Variants in PLCL2 observed in about 807,000 individuals in gnomAD.
PLCL2 encodes inactive phospholipase C-like protein 2.
PLCL2 carries 4 observed loss-of-function variants against 79.6 expected under a neutral mutation model. That is an observed-to-expected ratio of 0.05 (90% CI 0.02 to 0.11). The LOEUF (loss-of-function observed/expected upper bound fraction) is 0.11. Among genes scored for constraint, PLCL2 ranks in the 10% least tolerant of loss-of-function variants. PLCL2 has a pLI of 1.00. For missense variants in PLCL2, 895 were observed against 1,291.0 expected, an observed-to-expected ratio of 0.69 and a Z score of 4.70; for synonymous variants, 484 against 457.7, an observed-to-expected ratio of 1.06 and a Z score of -0.73.
At chr3:16,891,012 C>G in intron 1 of PLCL2, among the ~76,000 whole-genome samples, 1 of 152,250 alleles carries the variant, frequency 6.6e-6, no homozygotes, top group East Asian at 1.9e-4. Context: ...CCTCTTACCA[C>G]TAGCACTTGG....
In PLCL2 at chr3:16,887,919, T is replaced by C. The variant is rs1696261091; in HGVS notation, c.327+2553T>C. On this transcript the variant is annotated intron_variant, in intron 1 of 5. Transcript: ENST00000615277. This position sits in a 1 kb window ranked among gnomAD's most constrained non-coding sequence, Gnocchi z 4.1. The stretch of plus-strand genomic sequence containing the variant: ...TGAATGCAGTCAGGTGGTCTCTGAG[T>C]AGAGGCAGGAGTAGATTAGTAAGCA... Among the ~76,000 whole-genome samples the C allele has an allele frequency of 1.3e-5, 2 of 152,144 alleles. No individual in the cohort carries two copies. Among genetic ancestry groups the C allele is most frequent in the African/African-American group, 4.8e-5 (2 of 41,418 alleles).
At position 16,917,241 on chromosome 3, in the gene PLCL2, C is replaced by T. The variant is rs558379785; in HGVS notation, c.327+31875C>T. 3.9e-5 allele frequency among the ~76,000 whole-genome samples: 6 copies of T among 152,254 alleles called. No homozygotes were observed. In the South Asian group the frequency reaches 1.2e-3, roughly 32 times the overall value. On this transcript the variant is annotated intron_variant, in intron 1 of 5. Transcript: ENST00000615277. ...TTAGCTTTCTGGGCTATCTGGTTAC[C>T]TAACCAATAAATTAGAATAATTAGT...
intron 5 of PLCL2, among the ~76,000 whole-genome samples, chr3:17,079,436 A>G (rs1230446323): frequency 2.0e-5 from 3 of 152,216 alleles, no homozygotes; most frequent in South Asian, 2.1e-4. Context: ...AGCCCTTCCC[A>G]TGGCCAGGTC....
chr3:16,972,909 A>C (rs1179553383), intron 1 of PLCL2, among the ~76,000 whole-genome samples: 1 of 152,268 alleles, frequency 6.6e-6, no homozygotes, highest in Admixed American at 6.5e-5. Flanking sequence ...TAAAGACAGC[A>C]TACAGTTGGT....
At chr3:16,998,722 T>C (rs1167525883) in intron 1 of PLCL2, among the ~76,000 whole-genome samples, 2 of 152,214 alleles carry the variant, frequency 1.3e-5, no homozygotes, top group African/African-American at 4.8e-5. Flanking sequence ...GTAGTGAAAA[T>C]GCTTTGCCAA....
At chr3:16,913,268 T>C (rs1696922941) in intron 1 of PLCL2, among the ~76,000 whole-genome samples, 1 of 151,916 alleles carries the variant, frequency 6.6e-6, no homozygotes, top group East Asian at 1.9e-4. Flanking sequence ...CCAGAATTAC[T>C]CTCCCTCTCC....
At chr3:17,002,950 A>G (rs957323337) in intron 1 of PLCL2, among the ~76,000 whole-genome samples, 17 of 151,726 alleles carry the variant, frequency 1.1e-4, no homozygotes, top group Non-Finnish European at 2.4e-4. Context: ...CCTTTGGACC[A>G]TATTTTATAA....
intron 5 of PLCL2, among the ~76,000 whole-genome samples, chr3:17,075,940 T>C (rs1344419058): frequency 6.6e-6 from 1 of 152,260 alleles, no homozygotes; most frequent in Admixed American, 6.5e-5. Flanking sequence ...ACATTTGTGT[T>C]GTTTCCAATT....
intron 1 of PLCL2, among the ~76,000 whole-genome samples, chr3:16,982,651 C>T (rs181214037): frequency 1.3e-5 from 2 of 152,282 alleles, no homozygotes; most frequent in East Asian, 3.9e-4. Context: ...TTTCCTCTTC[C>T]TTAAGAGCCC....
At chr3:16,958,430 G>A (rs1367498767) in intron 1 of PLCL2, among the ~76,000 whole-genome samples, 9 of 152,066 alleles carry the variant, frequency 5.9e-5, no homozygotes, top group Admixed American at 5.9e-4. Context: ...GTAAATGTGG[G>A]TGGGTACAGC....
intron 5 of PLCL2, among the ~76,000 whole-genome samples, chr3:17,068,760 T>G (rs1380136440): frequency 6.6e-6 from 1 of 152,228 alleles, no homozygotes; most frequent in African/African-American, 2.4e-5. Context: ...TCTCTCAGGC[T>G]GATTTTCTAT....
intron 1 of PLCL2, among the ~76,000 whole-genome samples, chr3:16,959,505 A>G (rs1575553970): frequency 6.6e-6 from 1 of 151,900 alleles, no homozygotes; most frequent in African/African-American, 2.4e-5. Flanking sequence ...TCCACCTTTC[A>G]TAGTCTTCCT....
At chr3:17,073,429 C>G (rs2065079887) in intron 5 of PLCL2, among the ~76,000 whole-genome samples, 1 of 152,088 alleles carries the variant, frequency 6.6e-6, no homozygotes, top group Non-Finnish European at 1.5e-5. Flanking sequence ...AGTTGTAATC[C>G]TTTTGCTGGT....
In PLCL2 at chr3:17,068,037, G is replaced by A. The variant is rs1470677566; in HGVS notation, c.3176G>A (p.Ser1059Asn). 3.1e-6 allele frequency: 5 copies of A among 1,605,840 alleles called. No individual in the cohort carries two copies. The African/African-American group carries it at 6.7e-5, about 21-fold the overall frequency. The change falls in exon 5 of 6, where the codon AGC becomes AAC. Residue 1059 changes from serine to asparagine, a missense_variant. By Grantham distance (46) the Ser-to-Asn change is conservative. Around this residue, in one of 6 missense-constraint regions of PLCL2, gnomAD observed 298 missense variants for 459.6 expected, o/e 0.65. Transcript: ENST00000615277. The part of the protein sequence containing the change: ...KERKLQKAVE[S>N]FTWNITILKG... ...AGAAAACTACAAAAAGCAGTGGAGA[G>A]CTTTACCTGGAATATTACCATCTTA...
At chr3:17,046,651 T>G (rs1361005001) in intron 4 of PLCL2, among the ~76,000 whole-genome samples, 1 of 152,216 alleles carries the variant, frequency 6.6e-6, no homozygotes, top group African/African-American at 2.4e-5. Context: ...GGGTTTTTCT[T>G]TAAGCCACAA....
rs1274680532 is a variant in PLCL2 at position 17,009,521 on chromosome 3, T to TAG, written c.328-149_328-148dup. On this transcript the variant is annotated intron_variant, in intron 1 of 5. Coordinates refer to ENST00000615277, the MANE Select transcript of PLCL2 (RefSeq NM_001144382.2). This position sits in a 1 kb window ranked among gnomAD's most constrained non-coding sequence, Gnocchi z 4.0. ...CAACTGCAAGGCCAATTCTGAGCTT[T>TAG]AGAGATGAATGAGTATCATTCATCA... Among the ~76,000 whole-genome samples the TAG allele has an allele frequency of 6.6e-6, 1 of 152,218 alleles. No individual in the cohort carries two copies. Among genetic ancestry groups the TAG allele is most frequent in the African/African-American group, 2.4e-5 (1 of 41,458 alleles).
rs1696261422 is a variant in PLCL2 at position 16,887,930 on chromosome 3, G to GT, written c.327+2565dup. Among the ~76,000 whole-genome samples the GT allele has an allele frequency of 1.3e-5, 2 of 152,230 alleles. No individual in the cohort carries two copies. The highest frequency in any genetic ancestry group is 4.1e-4 in the South Asian group (2 of 4,828). The stretch of plus-strand genomic sequence containing the variant: ...AGGTGGTCTCTGAGTAGAGGCAGGA[G>GT]TAGATTAGTAAGCAAGGTGATAATT... On this transcript the variant is annotated intron_variant, in intron 1 of 5. Coordinates refer to ENST00000615277, the MANE Select transcript of PLCL2 (RefSeq NM_001144382.2). This position sits in a 1 kb window ranked among gnomAD's most constrained non-coding sequence, Gnocchi z 4.1.
At chr3:16,897,661 G>T (rs560770149) in intron 1 of PLCL2, among the ~76,000 whole-genome samples, 1 of 152,356 alleles carries the variant, frequency 6.6e-6, no homozygotes, top group African/African-American at 2.4e-5. Flanking sequence ...TTTATGCGGG[G>T]AGGATGTGAA....
At chr3:16,966,478 T>C (rs573051219) in intron 1 of PLCL2, among the ~76,000 whole-genome samples, 82 of 152,272 alleles carry the variant, frequency 5.4e-4, no homozygotes, top group African/African-American at 1.7e-3. Flanking sequence ...TCTAAAATTC[T>C]CTTTTTTTGT....
Sources: gnomAD v4.1 joint callset for allele counts (sites outside exome capture counted in the v4.1 genomes callset) on GRCh38, gnomAD v4.1.1 for gene constraint, gnomAD v4.1.1 regional missense constraint, Gnocchi (gnomAD v3.1) non-coding constraint, MANE v1.5 for transcripts, NCBI Gene and HGNC (gene_info 2026-07-23, HGNC 2026-07-21) for gene names.